MYO1H: variants seen among roughly 807,000 people sequenced by gnomAD.
MYO1H encodes unconventional myosin-Ih.
A neutral mutation model predicts 149.3 loss-of-function variants in MYO1H; 118 were observed. That is an observed-to-expected ratio of 0.79 (90% confidence interval 0.68 to 0.92). The LOEUF (loss-of-function observed/expected upper bound fraction) is 0.92, where lower values mean the gene tolerates loss of function less well. Ranked by LOEUF, MYO1H falls within the 40% of genes least tolerant of loss-of-function variation. The probability of loss-of-function intolerance (pLI) is 0.00; values close to 1 mark genes in which losing one functional copy is unlikely to be tolerated. For missense variants in MYO1H, 1,212 were observed against 1,280.7 expected, an observed-to-expected ratio of 0.95 and a Z score of 0.82; for synonymous variants, 447 against 465.2, an observed-to-expected ratio of 0.96 and a Z score of 0.50.
chr12:109,400,877 G>T (rs1022716857), intron 5 of MYO1H, among the ~76,000 whole-genome samples: 1 of 152,108 alleles, frequency 6.6e-6, no homozygotes, highest in African/African-American at 2.4e-5. Context: ...AAAAGACATA[G>T]AAACTATCTT....
chr12:109,421,343 T>C (rs577821347), intron 16 of MYO1H, among the ~76,000 whole-genome samples: 8 of 152,266 alleles, frequency 5.3e-5, no homozygotes, highest in African/African-American at 1.9e-4. Context: ...ATAATAAATA[T>C]ATACACAAAT....
chr12:109,335,588 A>C, the MYO1H span, among the ~76,000 whole-genome samples: 3 of 152,030 alleles, frequency 2.0e-5, no homozygotes, highest in Non-Finnish European at 4.4e-5. Flanking sequence ...CAAAAAAAAA[A>C]CTAATATTTT....
chr12:109,412,320 G>GT (rs1870709909), intron 14 of MYO1H, among the ~76,000 whole-genome samples: 1 of 152,060 alleles, frequency 6.6e-6, no homozygotes, highest in African/African-American at 2.4e-5. Context: ...ACAATGCCTG[G>GT]CTAATTTTTA....
intron 24 of MYO1H, chr12:109,440,509 C>T: frequency 2.1e-6 from 1 of 476,758 alleles, no homozygotes; most frequent in Non-Finnish European, 3.8e-6. Flanking sequence ...CTCATTATAG[C>T]CAGTTCTGCA....
At position 109,368,807 on chromosome 12, in the gene MYO1H, C is replaced by G. The variant is rs547025346; in HGVS notation, c.13-19876C>G. Reference sequence around the variant, plus strand: ...AATAGTTAGTTTTTCAACCCTTTCCCCCTCTCTTCCTTCCCCCTCCAGCAG... The same window carrying G: ...AATAGTTAGTTTTTCAACCCTTTCCGCCTCTCTTCCTTCCCCCTCCAGCAG... On this transcript the variant is annotated intron_variant, in intron 1 of 31. Coordinates refer to ENST00000310903, the Ensembl canonical transcript of MYO1H. Among the ~76,000 whole-genome samples, 123 of 151,408 alleles carry G rather than the reference C, an allele frequency of 8.1e-4. 1 individual carries two copies. The highest frequency in any genetic ancestry group is 2.6e-3 in the African/African-American group (108 of 41,224).
At chr12:109,401,177 C>T (rs1439605533) in exon 6 of MYO1H, 1 of 1,613,866 alleles carries the variant, frequency 6.2e-7, no homozygotes, top group Non-Finnish European at 8.5e-7. Context: ...GCGGAATTTC[C>T]ACATCTTCTA....
intron 5 of MYO1H, 35 bp downstream of exon 5, chr12:109,397,847 C>A: frequency 6.6e-7 from 1 of 1,519,686 alleles, no homozygotes; most frequent in Non-Finnish European, 8.9e-7. Flanking sequence ...TTCATGGGGA[C>A]CCCTTATTTT....
At chr12:109,403,317 C>T (rs1312971906) in intron 6 of MYO1H, among the ~76,000 whole-genome samples, 1 of 152,226 alleles carries the variant, frequency 6.6e-6, no homozygotes, top group Non-Finnish European at 1.5e-5. Context: ...TGATTTCCCC[C>T]ATGCAATGAA....
At chr12:109,320,455 CAAAA>C in the MYO1H span, among the ~76,000 whole-genome samples, 99 of 63,344 alleles carry the variant, frequency 1.6e-3, 2 homozygotes, top group South Asian at 0.059. Context: ...ATTAAAAATA[CAAAA>C]AAAAAAAAAA....
intron 14 of MYO1H, among the ~76,000 whole-genome samples, chr12:109,412,488 TCTTC>T (rs1870716529): frequency 6.6e-6 from 1 of 152,206 alleles, no homozygotes; most frequent in Non-Finnish European, 1.5e-5. Context: ...AGATTTTATA[TCTTC>T]CTTTATTCAG....
At chr12:109,334,345 T>TGTTG in the MYO1H span, among the ~76,000 whole-genome samples, 20 of 152,234 alleles carry the variant, frequency 1.3e-4, no homozygotes, top group Non-Finnish European at 2.2e-4. Context: ...CTTATTTACA[T>TGTTG]GTTGGTTGGT....
At chr12:109,334,008 ATTTAC>A in the MYO1H span, among the ~76,000 whole-genome samples, 423 of 151,572 alleles carry the variant, frequency 2.8e-3, 3 homozygotes, top group African/African-American at 9.5e-3. Context: ...TGTACTCATT[ATTTAC>A]TTATTTGTTT....
intron 18 of MYO1H, among the ~76,000 whole-genome samples, chr12:109,426,557 G>A (rs1871358799): frequency 6.6e-6 from 1 of 152,046 alleles, no homozygotes; most frequent in Non-Finnish European, 1.5e-5. Flanking sequence ...GTAAATGAAT[G>A]CCTTTGGTGG....
At chr12:109,375,761 T>G (rs1214053330) in intron 1 of MYO1H, among the ~76,000 whole-genome samples, 2 of 152,092 alleles carry the variant, frequency 1.3e-5, no homozygotes, top group Non-Finnish European at 2.9e-5. Context: ...ATGGATCACT[T>G]GAGCCTAGGA....
intron 1 of MYO1H, among the ~76,000 whole-genome samples, chr12:109,376,750 G>C (rs1281441000): frequency 6.6e-6 from 1 of 152,152 alleles, no homozygotes; most frequent in Non-Finnish European, 1.5e-5. Flanking sequence ...ACAATAAGCT[G>C]TTCTGTATAC....
upstream of MYO1H, among the ~76,000 whole-genome samples, chr12:109,346,666 G>A (rs973995067): frequency 7.9e-5 from 12 of 152,080 alleles, 1 homozygote; most frequent in Admixed American, 7.9e-4. Context: ...GGAGGCTGAG[G>A]CAGGAGAATC....
At chr12:109,330,895 C>T in the MYO1H span, among the ~76,000 whole-genome samples, 1 of 151,908 alleles carries the variant, frequency 6.6e-6, no homozygotes, top group Non-Finnish European at 1.5e-5. Flanking sequence ...GGGGACTGTC[C>T]GTGTTTATGT....
chr12:109,445,676 C>T, intron 31 of MYO1H, 64 bp downstream of exon 31: 1 of 1,553,230 alleles, frequency 6.4e-7, no homozygotes, highest in South Asian at 1.2e-5. Context: ...TAAAGTTCTA[C>T]CAATTTCAGT....
chr12:109,332,638 T>G, the MYO1H span, among the ~76,000 whole-genome samples: 2 of 152,228 alleles, frequency 1.3e-5, no homozygotes, highest in African/African-American at 4.8e-5. Flanking sequence ...AGTGCAGTGG[T>G]GCAATCCTAG....
Sources: gnomAD v4.1 joint callset for allele counts (sites outside exome capture counted in the v4.1 genomes callset) on GRCh38, gnomAD v4.1.1 for gene constraint, MANE v1.5 for transcripts, NCBI Gene and HGNC (gene_info 2026-07-23, HGNC 2026-07-21) for gene names.